Variants in SLC6A16 observed in about 807,000 individuals in gnomAD.
The protein encoded by SLC6A16 is orphan sodium- and chloride-dependent neurotransmitter transporter NTT5.
A neutral mutation model predicts 65.4 loss-of-function variants in SLC6A16; 54 were observed. That is an observed-to-expected ratio of 0.83 (90% confidence interval 0.66 to 1.04). SLC6A16 has a LOEUF of 1.04. SLC6A16 is among the 50% of genes least tolerant of loss of function. The pLI is 0.00. For missense variants in SLC6A16, 816 were observed against 914.0 expected, an observed-to-expected ratio of 0.89 and a Z score of 1.38; for synonymous variants, 330 against 346.5, an observed-to-expected ratio of 0.95 and a Z score of 0.53.
At chr19:49,325,364 T>G, upstream of SLC6A16, 1 of 467,594 alleles carries the variant, frequency 2.1e-6, no homozygotes, top group Non-Finnish European at 2.8e-6. Flanking sequence ...CGCCACTCCC[T>G]TCCCCACCGC....
chr19:49,321,319 T>TAAA (rs55808015), intron 1 of SLC6A16, among the ~76,000 whole-genome samples: 1 of 144,450 alleles, frequency 6.9e-6, no homozygotes, highest in Non-Finnish European at 1.5e-5. Context: ...CCTTTCATGA[T>TAAA]AAAAAAAAAA....
At chr19:49,333,441 A>G in the SLC6A16 span, among the ~76,000 whole-genome samples, 2 of 152,230 alleles carry the variant, frequency 1.3e-5, no homozygotes, top group African/African-American at 2.4e-5. Context: ...ACTGTACTCC[A>G]GCCTGGGCGA....
the SLC6A16 span, chr19:49,336,557 CA>C: frequency 3.3e-4 from 67 of 200,976 alleles, no homozygotes; most frequent in South Asian, 7.2e-4. Context: ...GGCTCCAACT[CA>C]AAAAAAAACC....
rs778944486 is a variant in SLC6A16, at chr19:49,290,105, G to A, written c.*18C>T. 3.7e-6 allele frequency: 6 copies of A among 1,610,526 alleles called. No homozygotes were observed. The African/African-American group carries it at 5.3e-5, about 14-fold the overall frequency. ...ATCTGTTCTAAGGGATATGTTATGT[G>A]AAGCCAAATTAATGAAGTTAGGAAG... On this transcript the variant is annotated 3_prime_UTR_variant, in exon 12 of 12. Coordinates refer to ENST00000335875, the MANE Select transcript of SLC6A16 (RefSeq NM_014037.3).
intron 1 of SLC6A16, among the ~76,000 whole-genome samples, chr19:49,321,968 G>A (rs559211869): frequency 3.3e-5 from 5 of 150,986 alleles, no homozygotes; most frequent in East Asian, 1.9e-4. Context: ...AGCCATATAC[G>A]AAAAACTCAC....
At chr19:49,338,658 T>C in the SLC6A16 span, 3 of 1,429,764 alleles carry the variant, frequency 2.1e-6, no homozygotes, top group African/African-American at 1.4e-5. This position sits in a 1 kb window ranked among gnomAD's most constrained non-coding sequence, Gnocchi z 5.0. Flanking sequence ...CAACATCATA[T>C]GTCTCCAGTC....
rs539809350 is a variant in SLC6A16, at chr19:49,311,677, C to T, written c.-64-266G>A. ...CAGCCCGGCCAACATGGTGAAACCCCGTCTCTACTAAAAATACAAAAATTA... is the reference window on the plus strand; with the variant it reads ...CAGCCCGGCCAACATGGTGAAACCCTGTCTCTACTAAAAATACAAAAATTA... On this transcript the variant is annotated intron_variant, in intron 1 of 11. Coordinates refer to ENST00000335875, the MANE Select transcript of SLC6A16 (RefSeq NM_014037.3). 2.0e-5 allele frequency among the ~76,000 whole-genome samples: 3 copies of T among 151,638 alleles called. 1 individual carries two copies. Among genetic ancestry groups the T allele is most frequent in the African/African-American group, 4.8e-5 (2 of 41,396 alleles).
At chr19:49,299,439 A>G (rs2146090201) in intron 7 of SLC6A16, among the ~76,000 whole-genome samples, 1 of 151,590 alleles carries the variant, frequency 6.6e-6, no homozygotes, top group South Asian at 2.1e-4. Flanking sequence ...CTGTAGTCCC[A>G]GCTACTCAGG....
chr19:49,307,051 C>CTTTTTTTTT (rs1197711801), intron 7 of SLC6A16, among the ~76,000 whole-genome samples: 51 of 60,990 alleles, frequency 8.4e-4, no homozygotes, highest in Admixed American at 1.3e-3. Context: ...GTTTTATACA[C>CTTTTTTTTT]TTTTTTTTTT....
At chr19:49,335,448 C>A in the SLC6A16 span, 2 of 930,542 alleles carry the variant, frequency 2.1e-6, no homozygotes, top group African/African-American at 3.5e-5. The surrounding 1 kb of genome is among the most constrained non-coding windows in gnomAD (Gnocchi z 4.6). Flanking sequence ...CTCCGTCTCT[C>A]TTTCTCTCTC....
chr19:49,293,183 T>A, intron 10 of SLC6A16, 40 bp downstream of exon 10: 1 of 1,607,880 alleles, frequency 6.2e-7, no homozygotes, highest in Non-Finnish European at 8.5e-7. Context: ...CCCTTCCCTA[T>A]AGTCCCATGC....
At chr19:49,340,037 A>AC in the SLC6A16 span, 2 of 1,488,734 alleles carry the variant, frequency 1.3e-6, no homozygotes, top group Non-Finnish European at 1.8e-6. Context: ...ACTCCTTCTC[A>AC]GCCTCTACCC....
the SLC6A16 span, among the ~76,000 whole-genome samples, chr19:49,334,824 C>T: frequency 2.0e-5 from 3 of 151,994 alleles, no homozygotes; most frequent in African/African-American, 7.3e-5. Flanking sequence ...GCCCAGGCTA[C>T]AGTGAGCTGT....
At chr19:49,294,200 T>G (rs1970138592) in intron 8 of SLC6A16, among the ~76,000 whole-genome samples, 167 bp downstream of exon 8, 1 of 152,172 alleles carries the variant, frequency 6.6e-6, no homozygotes, top group Non-Finnish European at 1.5e-5. Flanking sequence ...CCACCTAGCA[T>G]TATCCATGGA....
At chr19:49,324,441 C>T (rs1970765982) in intron 1 of SLC6A16, among the ~76,000 whole-genome samples, 1 of 152,184 alleles carries the variant, frequency 6.6e-6, no homozygotes, top group African/African-American at 2.4e-5. Context: ...TTTTGGCCAG[C>T]TGGCCACTTC....
chr19:49,307,557 G>A (rs534840792), intron 7 of SLC6A16, among the ~76,000 whole-genome samples: 13 of 151,902 alleles, frequency 8.6e-5, no homozygotes, highest in East Asian at 5.8e-4. Context: ...GAGGTCGGGC[G>A]CGGTGGCTCA....
the SLC6A16 span, chr19:49,337,327 C>T: frequency 9.0e-7 from 1 of 1,111,618 alleles, no homozygotes; most frequent in Non-Finnish European, 1.4e-6. Context: ...CAGGGGCTAA[C>T]CTAGATAAAG....
Position 49,311,238 on chromosome 19 carries a change from GAACCCTTGTCTTCCC to G in SLC6A16, c.95_109del (p.Trp32_Gly36del), listed in dbSNP as rs769669537. The G allele has an allele frequency of 2.5e-6, 4 of 1,614,006 alleles. No homozygotes were observed. In the East Asian group the frequency reaches 8.9e-5, roughly 36 times the overall value. Reference sequence around the variant, plus strand: ...CCAAGATGTTGCAGACCGGGTCAATGAACCCTTGTCTTCCCACGTTTGACTTCCTGGGACACTGTC... The same window carrying G: ...CCAAGATGTTGCAGACCGGGTCAATGACGTTTGACTTCCTGGGACACTGTC... On this transcript the variant is annotated inframe_deletion, in exon 2 of 12. Coordinates refer to ENST00000335875, the MANE Select transcript of SLC6A16 (RefSeq NM_014037.3).
chr19:49,340,307 C>A, the SLC6A16 span: 34 of 1,613,450 alleles, frequency 2.1e-5, no homozygotes, highest in Admixed American at 1.3e-4. Context: ...ACGTCTACAA[C>A]CGGCTCGCTC....
Sources: allele counts gnomAD v4.1 joint callset (sites outside exome capture counted in the v4.1 genomes callset), GRCh38; gene constraint gnomAD v4.1.1; non-coding constraint Gnocchi (gnomAD v3.1); transcripts MANE v1.5; gene names NCBI Gene and HGNC (gene_info 2026-07-23, HGNC 2026-07-21).